Variants in GLIS3 observed in about 807,000 individuals in gnomAD.
GLIS3 encodes the protein GLIS family zinc finger 3, also known as zinc finger protein GLIS3.
In GLIS3, 53 loss-of-function variants were observed where a neutral mutation model predicts 78.6. That is an observed-to-expected ratio of 0.67 (90% CI 0.54 to 0.85). The LOEUF (loss-of-function observed/expected upper bound fraction) is 0.85, where lower values mean the gene tolerates loss of function less well. Ranked by LOEUF, GLIS3 falls within the 40% of genes least tolerant of loss-of-function variation. The pLI, the probability that GLIS3 is intolerant of heterozygous loss-of-function variation, is 0.00. For missense variants in GLIS3, 1,703 were observed against 1,231.1 expected (o/e 1.38, Z -5.74); for synonymous variants, 684 against 509.9 (o/e 1.34, Z -4.60).
At chr9:4,301,000 C>A (rs905159206), upstream of GLIS3, among the ~76,000 whole-genome samples, 1 of 152,050 alleles carries the variant, frequency 6.6e-6, no homozygotes, top group Non-Finnish European at 1.5e-5. Context: ...TATAAATTAG[C>A]AATCAGGTAG....
intron 2 of GLIS3, among the ~76,000 whole-genome samples, chr9:4,248,377 T>C (rs1824009852): frequency 6.6e-6 from 1 of 152,184 alleles, no homozygotes; most frequent in Admixed American, 6.6e-5. Flanking sequence ...CTGAGAATGA[T>C]CGTTTCCAGC....
the GLIS3 span, among the ~76,000 whole-genome samples, chr9:4,474,660 T>C: frequency 6.6e-6 from 1 of 151,892 alleles, no homozygotes; most frequent in Non-Finnish European, 1.5e-5. Context: ...TTTTTTTTAT[T>C]TTTTCTTTTT....
intron 4 of GLIS3, among the ~76,000 whole-genome samples, chr9:4,100,340 A>G (rs1830272501): frequency 1.3e-5 from 2 of 152,200 alleles, no homozygotes; most frequent in African/African-American, 4.8e-5. Flanking sequence ...AGGAAAGAAG[A>G]TAAATAACTT....
chr9:4,486,488 T>C, the GLIS3 span, among the ~76,000 whole-genome samples: 1 of 152,310 alleles, frequency 6.6e-6, no homozygotes, highest in East Asian at 1.9e-4. Flanking sequence ...AAACCTGTTT[T>C]ACCAGGATTC....
the GLIS3 span, among the ~76,000 whole-genome samples, chr9:4,489,607 A>G: frequency 3.3e-5 from 5 of 152,270 alleles, no homozygotes; most frequent in South Asian, 6.2e-4. Flanking sequence ...AGCAACACCA[A>G]ATATATTTGG....
chr9:3,928,424 T>C (rs1825392100), intron 6 of GLIS3, among the ~76,000 whole-genome samples: 1 of 152,238 alleles, frequency 6.6e-6, no homozygotes, highest in African/African-American at 2.4e-5. Flanking sequence ...TGTGCCTTAT[T>C]AGTCCACTTA....
intron 4 of GLIS3, among the ~76,000 whole-genome samples, chr9:3,968,778 T>C (rs1159272668): frequency 1.3e-5 from 2 of 152,232 alleles, no homozygotes; most frequent in African/African-American, 4.8e-5. Context: ...CATTTCATTA[T>C]TACTCCTAAA....
intron 7 of GLIS3, among the ~76,000 whole-genome samples, chr9:3,894,661 G>C (rs1822697305): frequency 6.6e-6 from 1 of 151,646 alleles, no homozygotes; most frequent in South Asian, 2.1e-4. Flanking sequence ...AAATAATCCT[G>C]CTCCAAAAAA....
intron 4 of GLIS3, among the ~76,000 whole-genome samples, chr9:4,110,574 C>G (rs1831127832): frequency 6.6e-6 from 1 of 152,146 alleles, no homozygotes; most frequent in African/African-American, 2.4e-5. Flanking sequence ...CTATGCCAAC[C>G]TCCTATATGA....
At position 4,319,279 on chromosome 9, in the gene GLIS3, A is replaced by G. The variant is rs1178782090; in HGVS notation, n.265-8751T>C. Among the ~76,000 whole-genome samples, 5 of 152,168 alleles carry G rather than the reference A, an allele frequency of 3.3e-5. No individual in the cohort carries two copies. In the East Asian group the frequency reaches 9.6e-4, roughly 29 times the overall value. ...AAATATCACTGTACTTAGGGGCAAC[A>G]TTCTAAAATTTTATGGCCATTATAT... On this transcript the variant is annotated intron_variant and non_coding_transcript_variant, in intron 2 of 4. Coordinates refer to the GLIS3 transcript ENST00000471664.
chr9:4,035,599 C>G (rs1380991257), intron 4 of GLIS3, among the ~76,000 whole-genome samples: 1 of 151,972 alleles, frequency 6.6e-6, no homozygotes, highest in Admixed American at 6.6e-5. Flanking sequence ...CAGCAGTGCC[C>G]TAACTCATCT....
At chr9:4,419,358 C>A in the GLIS3 span, among the ~76,000 whole-genome samples, 4 of 152,118 alleles carry the variant, frequency 2.6e-5, no homozygotes, top group African/African-American at 9.7e-5. Context: ...AATTGGCTCA[C>A]CGTTCTGCAG....
the GLIS3 span, among the ~76,000 whole-genome samples, chr9:4,467,102 T>A: frequency 1.3e-4 from 20 of 152,328 alleles, no homozygotes; most frequent in African/African-American, 4.8e-4. Context: ...CTGCCATTGC[T>A]GACGCTTGAG....
intron 1 of GLIS3, among the ~76,000 whole-genome samples, chr9:4,289,095 A>G (rs1828239614): frequency 6.6e-6 from 1 of 152,212 alleles, no homozygotes; most frequent in Non-Finnish European, 1.5e-5. Flanking sequence ...AACTTTTAAG[A>G]AAGACCCTCA....
chr9:4,031,934 G>A (rs564967400), intron 4 of GLIS3, among the ~76,000 whole-genome samples: 8 of 152,216 alleles, frequency 5.3e-5, no homozygotes, highest in African/African-American at 1.9e-4. Flanking sequence ...CCTAGACTCT[G>A]GCTAGCCAGG....
At chr9:4,219,018 T>C (rs769616371) in intron 2 of GLIS3, among the ~76,000 whole-genome samples, 2 of 152,242 alleles carry the variant, frequency 1.3e-5, no homozygotes, top group Admixed American at 6.5e-5. Flanking sequence ...ATCTCCAGCA[T>C]TGCCTGGCAT....
Position 4,286,482 on chromosome 9 carries a change from C to CA in GLIS3, c.-58dup. The CA allele has an allele frequency of 6.3e-7, 1 of 1,598,344 alleles. No individual in the cohort carries two copies. Among genetic ancestry groups the CA allele is most frequent in the Non-Finnish European group, 8.5e-7 (1 of 1,171,014 alleles). ...ATCCAATGTCACTAATGACTCCTTT[C>CA]AGGCAAAGTCCAATAAGTTATCCAT... On this transcript the variant is annotated 5_prime_UTR_variant, in exon 2 of 11. It removes the in-frame stop codon of an upstream open reading frame in the 5' UTR. Coordinates refer to ENST00000381971, the MANE Select transcript of GLIS3 (RefSeq NM_001042413.2).
intron 9 of GLIS3, among the ~76,000 whole-genome samples, chr9:3,847,204 AATAC>A (rs1161611564): frequency 8.0e-6 from 1 of 124,560 alleles, no homozygotes; most frequent in African/African-American, 2.9e-5. Flanking sequence ...AAATTAAATA[AATAC>A]ATAAATAAAA....
At chr9:3,962,957 G>GC (rs1817675210) in intron 4 of GLIS3, among the ~76,000 whole-genome samples, 1 of 150,712 alleles carries the variant, frequency 6.6e-6, no homozygotes, top group Admixed American at 6.6e-5. Context: ...GGGGGGGGGG[G>GC]GGAGAGAGAT....
Sources: allele counts gnomAD v4.1 joint callset (sites outside exome capture counted in the v4.1 genomes callset), GRCh38; gene constraint gnomAD v4.1.1; transcripts MANE v1.5; gene names NCBI Gene and HGNC (gene_info 2026-07-23, HGNC 2026-07-21).